Variants in SYTL3 observed in about 807,000 individuals in gnomAD.
The protein encoded by SYTL3 is synaptotagmin-like protein 3.
A neutral mutation model predicts 82.1 loss-of-function variants in SYTL3; 88 were observed. That is an observed-to-expected ratio of 1.07 (90% CI 0.90 to 1.28). SYTL3 has a LOEUF of 1.28. Ranked by LOEUF, SYTL3 falls within the 50% of genes most tolerant of loss-of-function variation. The pLI, the probability that SYTL3 is intolerant of heterozygous loss-of-function variation, is 0.00. For synonymous variants in SYTL3, 311 were observed against 289.4 expected, an observed-to-expected ratio of 1.07 and a Z score of -0.76; for missense variants, 831 against 757.6, an observed-to-expected ratio of 1.10 and a Z score of -1.14.
chr6:158,741,654 G>A (rs1317744243), intron 11 of SYTL3, among the ~76,000 whole-genome samples: 1 of 152,150 alleles, frequency 6.6e-6, no homozygotes, highest in African/African-American at 2.4e-5. Flanking sequence ...CACTAAGCTG[G>A]TCATTGCTGG....
At chr6:158,693,423 T>C (rs1318800650) in intron 6 of SYTL3, among the ~76,000 whole-genome samples, 1 of 152,166 alleles carries the variant, frequency 6.6e-6, no homozygotes, top group East Asian at 1.9e-4. Context: ...AGTCTCACTC[T>C]GTCACCCAGG....
chr6:158,646,647 C>G (rs1012776109), upstream of SYTL3, among the ~76,000 whole-genome samples: 3 of 152,212 alleles, frequency 2.0e-5, no homozygotes, highest in Non-Finnish European at 4.4e-5. Flanking sequence ...GGTGTTCGGC[C>G]TGAGCGAGGA....
In SYTL3 at chr6:158,763,311, A is replaced by C. The variant is rs933401909; in HGVS notation, c.1525A>C (p.Thr509Pro). The change falls in exon 17 of 18, where the codon ACT becomes CCT. Residue 509 changes from threonine to proline, a missense_variant. Transcript: ENST00000611299. ...TLNSFVKGCL[T>P]LPDQQKLRLK... ...TTTGTGTTCCCTCTTCAGCTGTCTC[A>C]CTCTGCCAGACCAACAAAAACTGAG... 42 of 1,613,924 alleles carry C rather than the reference A, an allele frequency of 2.6e-5. No homozygotes were observed. The highest frequency in any genetic ancestry group is 3.5e-5 in the Non-Finnish European group (41 of 1,180,010).
intron 2 of SYTL3, among the ~76,000 whole-genome samples, chr6:158,653,808 G>A (rs1207303441): frequency 1.3e-5 from 2 of 152,218 alleles, no homozygotes; most frequent in East Asian, 3.9e-4. Flanking sequence ...TGCTACCGCA[G>A]ATCTCTGCAT....
In SYTL3 at chr6:158,763,325, A is replaced by G. The variant is rs764506411; in HGVS notation, c.1539A>G (p.Gln513=). The G allele has an allele frequency of 8.7e-6, 14 of 1,614,074 alleles. No homozygotes were observed. The highest frequency in any genetic ancestry group is 1.2e-5 in the Non-Finnish European group (14 of 1,180,046). The change falls in exon 17 of 18, where the codon CAA becomes CAG. Residue 513 remains glutamine, a synonymous_variant. Transcript: ENST00000611299. ...TCAGCTGTCTCACTCTGCCAGACCA[A>G]CAAAAACTGAGACTGAAGTCGCCAG... ...FVKGCLTLPD[Q]QKLRLKSPVL...
intron 8 of SYTL3, 135 bp downstream of exon 8, chr6:158,708,526 CA>C (rs2128456668): frequency 3.7e-6 from 3 of 820,722 alleles, no homozygotes; most frequent in Non-Finnish European, 6.0e-6. Context: ...GAGCGGGTCA[CA>C]AAGCGGGGTG....
chr6:158,714,990 C>T (rs1405158758), intron 9 of SYTL3, among the ~76,000 whole-genome samples: 2 of 152,172 alleles, frequency 1.3e-5, no homozygotes, highest in African/African-American at 2.4e-5. Flanking sequence ...TTTCATGGGC[C>T]TGTTTGCTAA....
intron 5 of SYTL3, among the ~76,000 whole-genome samples, chr6:158,675,929 G>A (rs768350283): frequency 5.7e-4 from 86 of 152,210 alleles, no homozygotes; most frequent in Non-Finnish European, 1.0e-3. Context: ...CAGCCTGGGC[G>A]ACAGAGCGAG....
intron 10 of SYTL3, among the ~76,000 whole-genome samples, chr6:158,722,368 C>T (rs987140507): frequency 3.9e-5 from 6 of 151,982 alleles, no homozygotes; most frequent in African/African-American, 1.5e-4. Context: ...TACCATGTTG[C>T]CCAGACTGGT....
At chr6:158,667,147 T>A (rs1790174943) in intron 5 of SYTL3, among the ~76,000 whole-genome samples, 1 of 152,206 alleles carries the variant, frequency 6.6e-6, no homozygotes, top group African/African-American at 2.4e-5. Flanking sequence ...TTTCTCAGCA[T>A]TTTTTCTTCT....
At chr6:158,659,728 T>C (rs1208259629) in intron 2 of SYTL3, among the ~76,000 whole-genome samples, 1 of 152,236 alleles carries the variant, frequency 6.6e-6, no homozygotes, top group Non-Finnish European at 1.5e-5. Flanking sequence ...ATAGACAGCA[T>C]CTTGACTTTT....
chr6:158,713,613 G>A (rs895220963), intron 8 of SYTL3, among the ~76,000 whole-genome samples, 187 bp from the exon 9 acceptor site: 4 of 152,076 alleles, frequency 2.6e-5, no homozygotes, highest in African/African-American at 9.7e-5. Flanking sequence ...TACCCCTCAG[G>A]AAGACTGCTG....
intron 11 of SYTL3, among the ~76,000 whole-genome samples, chr6:158,744,430 C>T (rs1051808255): frequency 9.9e-5 from 15 of 151,536 alleles, no homozygotes; most frequent in African/African-American, 1.9e-4. Flanking sequence ...CCTCAGCCTC[C>T]GGAGTAGCTG....
chr6:158,685,404 A>C (rs1583228808), intron 6 of SYTL3, among the ~76,000 whole-genome samples: 1 of 151,896 alleles, frequency 6.6e-6, no homozygotes, highest in Non-Finnish European at 1.5e-5. Context: ...GTAGAGATGG[A>C]GTTTCACCTT....
intron 13 of SYTL3, 124 bp from the exon 14 acceptor site, chr6:158,757,087 T>C (rs1251536324): frequency 4.0e-6 from 3 of 743,250 alleles, no homozygotes; most frequent in African/African-American, 2.0e-5. Context: ...GGACTCAGCC[T>C]GTGGGAGGGA....
intron 12 of SYTL3, among the ~76,000 whole-genome samples, chr6:158,751,638 C>A (rs1350715851): frequency 1.3e-5 from 2 of 152,128 alleles, no homozygotes; most frequent in African/African-American, 4.8e-5. Context: ...CCATGGTCTT[C>A]GCCAAATGGA....
intron 11 of SYTL3, among the ~76,000 whole-genome samples, chr6:158,742,185 T>A (rs539589510): frequency 0.011 from 1,648 of 148,670 alleles, 20 homozygotes; most frequent in African/African-American, 0.037. Context: ...AGCAAAAAAA[T>A]AAATAAAGCG....
Position 158,751,909 on chromosome 6 carries a change from C to T in SYTL3, c.1035-19C>T, listed in dbSNP as rs116853475. 5.6e-3 allele frequency: 8,794 copies of T among 1,583,138 alleles called. 233 individuals carry two copies. The highest frequency in any genetic ancestry group is 0.053 in the South Asian group (4,688 of 87,686). On this transcript the variant is annotated intron_variant, in intron 12 of 17. Transcript: ENST00000611299. ...TTTCCCTGAGTTCTCACTCTGTCCC[C>T]GCTGTGTTTGGCCCCTAGGTATGTG...
chr6:158,701,303 AGTGTGAGCTG>A (rs1781236088), intron 6 of SYTL3, among the ~76,000 whole-genome samples: 4 of 12,074 alleles, frequency 3.3e-4, no homozygotes, highest in African/African-American at 4.9e-4. Flanking sequence ...TAGATGAAGG[AGTGTGAGCTG>A]GGGTGTAGAT....
Sources: gnomAD v4.1 joint callset for allele counts (sites outside exome capture counted in the v4.1 genomes callset) on GRCh38, gnomAD v4.1.1 for gene constraint, MANE v1.5 for transcripts, NCBI Gene and HGNC (gene_info 2026-07-23, HGNC 2026-07-21) for gene names.